The following CHSY1 variants were observed in gnomAD, a reference collection of about 807,000 sequenced individuals.
CHSY1 encodes N-acetylgalactosaminyl-proteoglycan 3-beta-glucuronosyltransferase 1.
In CHSY1, 13 loss-of-function variants were observed where a neutral mutation model predicts 59.8. That is an observed-to-expected ratio of 0.22 (90% CI 0.14 to 0.35). The LOEUF (loss-of-function observed/expected upper bound fraction) is 0.35, where lower values mean the gene tolerates loss of function less well. Ranked by LOEUF, CHSY1 falls within the 10% of genes least tolerant of loss-of-function variation. The pLI, the probability that CHSY1 is intolerant of heterozygous loss-of-function variation, is 1.00. For synonymous variants in CHSY1, 459 were observed against 401.2 expected, an observed-to-expected ratio of 1.14 and a Z score of -1.72; for missense variants, 947 against 1,030.6, an observed-to-expected ratio of 0.92 and a Z score of 1.11.
At chr15:101,219,997 G>A (rs1479572476) in intron 2 of CHSY1, among the ~76,000 whole-genome samples, 13 of 152,058 alleles carry the variant, frequency 8.5e-5, no homozygotes, top group African/African-American at 2.7e-4. Context: ...CAGGGGATCC[G>A]CCTGCCTCGG....
chr15:101,213,539 A>C (rs996054344), intron 2 of CHSY1, among the ~76,000 whole-genome samples: 11 of 152,254 alleles, frequency 7.2e-5, no homozygotes, highest in Admixed American at 3.9e-4. Context: ...GATTATTCTC[A>C]AATTTAAAAT....
At chr15:101,239,030 GAAGT>G (rs1324585595) in intron 1 of CHSY1, among the ~76,000 whole-genome samples, 6 of 152,178 alleles carry the variant, frequency 3.9e-5, no homozygotes, top group Non-Finnish European at 5.9e-5. Context: ...CCAGCCTTGG[GAAGT>G]TAGTAAGGAC....
intron 1 of CHSY1, among the ~76,000 whole-genome samples, chr15:101,237,237 A>C (rs1051624530): frequency 2.6e-5 from 4 of 151,300 alleles, no homozygotes; most frequent in Admixed American, 1.3e-4. Flanking sequence ...AAAAAAAAAA[A>C]AAAAAAAAAA....
chr15:101,223,314 T>A lies in CHSY1; in HGVS notation c.816+11768A>T, dbSNP rs928366469. Among the ~76,000 whole-genome samples the A allele has an allele frequency of 2.0e-5, 3 of 152,166 alleles. No individual in the cohort carries two copies. In the East Asian group the frequency reaches 5.8e-4, roughly 29 times the overall value. ...CCAACTACTTTGTTTAAACTATAATTTGTTTGATAAATAAATCCGGAGTTA... is the reference window on the plus strand; with the variant it reads ...CCAACTACTTTGTTTAAACTATAATATGTTTGATAAATAAATCCGGAGTTA... On this transcript the variant is annotated intron_variant, in intron 2 of 2. Transcript: ENST00000254190.
chr15:101,185,082 T>C (rs2038337754), intron 2 of CHSY1, among the ~76,000 whole-genome samples: 1 of 152,222 alleles, frequency 6.6e-6, no homozygotes, highest in Non-Finnish European at 1.5e-5. Context: ...GGTGGTGCCC[T>C]TCAGCCAATT....
rs900825932 is a variant in CHSY1, at chr15:101,251,739, G to A, written c.-283C>T. On this transcript the variant is annotated 5_prime_UTR_variant, in exon 1 of 3. Coordinates refer to ENST00000254190, the MANE Select transcript of CHSY1 (RefSeq NM_014918.5). ...GGCGGCTCGGGCGCGAGGTGGCGGCGGCTCCTCCCGCTCGCGCGCGGGGAC... is the reference window on the plus strand; with the variant it reads ...GGCGGCTCGGGCGCGAGGTGGCGGCAGCTCCTCCCGCTCGCGCGCGGGGAC... 3.4e-5 allele frequency: 5 copies of A among 148,906 alleles called. No individual in the cohort carries two copies. The highest frequency in any genetic ancestry group is 1.2e-4 in the African/African-American group (5 of 41,032). The allele number at this position is 148,906 out of a possible 1,614,324, so 9.2% of individuals were successfully genotyped here.
chr15:101,250,645 G>A (rs1329354396), intron 1 of CHSY1, among the ~76,000 whole-genome samples: 2 of 152,228 alleles, frequency 1.3e-5, no homozygotes, highest in Non-Finnish European at 2.9e-5. Flanking sequence ...TTATAGGAGT[G>A]CCTCCAACTG....
intron 1 of CHSY1, among the ~76,000 whole-genome samples, chr15:101,247,812 A>C (rs920741732): frequency 3.3e-5 from 5 of 152,142 alleles, no homozygotes; most frequent in African/African-American, 1.2e-4. Flanking sequence ...GTAATGATGG[A>C]GATGTTCTAT....
At chr15:101,250,665 A>G (rs2141285505) in intron 1 of CHSY1, among the ~76,000 whole-genome samples, 1 of 152,300 alleles carries the variant, frequency 6.6e-6, no homozygotes, top group South Asian at 2.1e-4. Context: ...GCGAAATGTG[A>G]GAGTATGATG....
Position 101,178,462 on chromosome 15 carries a change from A to G in CHSY1, c.1335T>C (p.Ala445=). The change falls in exon 3 of 3, where the codon GCT becomes GCC. Residue 445 remains alanine, a synonymous_variant. Transcript: ENST00000254190. ...GAAGCAGCAGGTCCAGGATGTACTC[A>G]GCCCCATACATGGGGTTCACCCGGC... ...GYRRVNPMYG[A]EYILDLLLLY... The G allele has an allele frequency of 6.2e-7, 1 of 1,614,184 alleles. No individual in the cohort carries two copies. Among genetic ancestry groups the G allele is most frequent in the Admixed American group, 1.7e-5 (1 of 60,022 alleles).
At chr15:101,197,593 G>A (rs1326082020) in intron 2 of CHSY1, among the ~76,000 whole-genome samples, 1 of 151,914 alleles carries the variant, frequency 6.6e-6, no homozygotes, top group Non-Finnish European at 1.5e-5. Flanking sequence ...CCAAATTACG[G>A]CATTTATATA....
chr15:101,206,954 G>A (rs529703784), intron 2 of CHSY1, among the ~76,000 whole-genome samples: 21 of 152,328 alleles, frequency 1.4e-4, no homozygotes, highest in African/African-American at 2.4e-4. Context: ...TTCTAGGAAC[G>A]TATGCCACGC....
At chr15:101,225,776 T>C (rs901737028) in intron 2 of CHSY1, among the ~76,000 whole-genome samples, 2 of 152,240 alleles carry the variant, frequency 1.3e-5, no homozygotes, top group Non-Finnish European at 2.9e-5. Flanking sequence ...TCTCAGGTAT[T>C]TCCTTATAGC....
intron 2 of CHSY1, among the ~76,000 whole-genome samples, chr15:101,182,160 T>G (rs1234040373): frequency 2.0e-5 from 3 of 152,228 alleles, no homozygotes; most frequent in Non-Finnish European, 4.4e-5. Flanking sequence ...TCTTGTAATA[T>G]TATGACTTTT....
chr15:101,197,673 T>C (rs184835434), intron 2 of CHSY1, among the ~76,000 whole-genome samples: 39 of 152,336 alleles, frequency 2.6e-4, no homozygotes, highest in African/African-American at 9.4e-4. Flanking sequence ...TATAAATGTA[T>C]ATAATGTTAA....
chr15:101,242,046 ATTG>A (rs1217193181), intron 1 of CHSY1, among the ~76,000 whole-genome samples: 3 of 152,098 alleles, frequency 2.0e-5, no homozygotes, highest in South Asian at 2.1e-4. Flanking sequence ...TGTTTTTATT[ATTG>A]TTATTTTCTA....
At chr15:101,181,475 A>G (rs1044191056) in intron 2 of CHSY1, among the ~76,000 whole-genome samples, 5 of 152,216 alleles carry the variant, frequency 3.3e-5, no homozygotes, top group Admixed American at 6.5e-5. Context: ...TGGCCTTACA[A>G]GCTGTCTTCT....
chr15:101,178,565 T>C lies in CHSY1; in HGVS notation c.1232A>G (p.Gln411Arg). 1.2e-6 allele frequency: 2 copies of C among 1,614,244 alleles called. No individual in the cohort carries two copies. Among genetic ancestry groups the C allele is most frequent in the Non-Finnish European group, 1.7e-6 (2 of 1,180,044 alleles). ...QREALDDIVMQVMEMINANAK... is the reference protein window; with the variant it reads ...QREALDDIVMRVMEMINANAK... ...GTTGGCATTGATCATCTCCATGACC[T>C]GCATGACAATGTCGTCCAAGGCTTC... Residue 411 changes from glutamine to arginine, a missense_variant, in exon 3 of 3, where the codon CAG becomes CGG. Physicochemically the swap from Gln to Arg is conservative, Grantham distance 43. Coordinates refer to ENST00000254190, the MANE Select transcript of CHSY1 (RefSeq NM_014918.5).
chr15:101,239,698 T>C (rs1356744573), intron 1 of CHSY1, among the ~76,000 whole-genome samples: 2 of 152,222 alleles, frequency 1.3e-5, no homozygotes, highest in African/African-American at 2.4e-5. Flanking sequence ...GCAAAGGTAA[T>C]GTGGAAAATG....
Sources: allele counts gnomAD v4.1 joint callset (sites outside exome capture counted in the v4.1 genomes callset), GRCh38; gene constraint gnomAD v4.1.1; transcripts MANE v1.5; gene names NCBI Gene and HGNC (gene_info 2026-07-23, HGNC 2026-07-21).